CNTN4: variants seen among roughly 807,000 people sequenced by gnomAD.
CNTN4 encodes contactin-4.
CNTN4 carries 77 observed loss-of-function variants against 122.5 expected under a neutral mutation model. The observed-to-expected ratio is 0.63, with a 90% confidence interval of 0.52 to 0.76. CNTN4 has a LOEUF of 0.76. Ranked by LOEUF, CNTN4 falls within the 30% of genes least tolerant of loss-of-function variation. The pLI is 0.00. For missense variants in CNTN4, 1,256 were observed against 1,259.1 expected, an observed-to-expected ratio of 1.00 and a Z score of 0.04; for synonymous variants, 512 against 447.0, an observed-to-expected ratio of 1.15 and a Z score of -1.83.
intron 14 of CNTN4, among the ~76,000 whole-genome samples, chr3:3,008,074 T>C (rs766637297): frequency 6.6e-6 from 1 of 152,204 alleles, no homozygotes; most frequent in Non-Finnish European, 1.5e-5. Flanking sequence ...TAATCATTGC[T>C]TACTATTCAG....
chr3:2,184,389 G>T (rs2037154605), intron 2 of CNTN4, among the ~76,000 whole-genome samples: 1 of 152,132 alleles, frequency 6.6e-6, no homozygotes, highest in South Asian at 2.1e-4. Context: ...GAGCATGGGT[G>T]AGGGTGAGCT....
intron 14 of CNTN4, among the ~76,000 whole-genome samples, chr3:2,998,087 C>G (rs925576031): frequency 6.6e-6 from 1 of 152,106 alleles, no homozygotes; most frequent in African/African-American, 2.4e-5. Flanking sequence ...ATAAGCCTGG[C>G]CCACATCTCT....
chr3:2,735,973 G>T (rs367590722), intron 4 of CNTN4: 9 of 623,546 alleles, frequency 1.4e-5, no homozygotes, highest in Non-Finnish European at 2.7e-5. Context: ...CCTGCGCCTG[G>T]AAGTTGTTAG....
chr3:2,858,671 C>T (rs1023190856), intron 7 of CNTN4, among the ~76,000 whole-genome samples: 14 of 150,862 alleles, frequency 9.3e-5, no homozygotes, highest in African/African-American at 2.2e-4. Context: ...TGCACCCCGG[C>T]ACTCCAGCCT....
At chr3:2,695,040 T>C (rs1182080077) in intron 4 of CNTN4, among the ~76,000 whole-genome samples, 2 of 152,174 alleles carry the variant, frequency 1.3e-5, no homozygotes, top group Admixed American at 1.3e-4. Flanking sequence ...AATATCAATG[T>C]TATTTATGTA....
At chr3:2,328,274 CG>C (rs535802910) in intron 2 of CNTN4, among the ~76,000 whole-genome samples, 1,519 of 150,244 alleles carry the variant, frequency 0.01, 19 homozygotes, top group Non-Finnish European at 0.011. Flanking sequence ...GGCGTGGTGG[CG>C]GGCGCCTGTA....
chr3:2,887,146 G>A lies in CNTN4; in HGVS notation c.862G>A (p.Glu288Lys). 1 of 1,614,106 alleles carries A rather than the reference G, an allele frequency of 6.2e-7. No individual in the cohort carries two copies. The highest frequency in any genetic ancestry group is 8.5e-7 in the Non-Finnish European group (1 of 1,179,980). Residue 288 changes from glutamate (E) to lysine (K), a missense_variant, in exon 10 of 25, where the codon GAG (glutamate) becomes AAG (lysine). Coordinates refer to ENST00000418658, the MANE Select transcript of CNTN4 (RefSeq NM_175607.3). ...TCTTGAGATCCCTAATTTTCAGCAGGAGGATGCTGGTTTATATGAATGTGT... is the reference window on the plus strand; with the variant it reads ...TCTTGAGATCCCTAATTTTCAGCAGAAGGATGCTGGTTTATATGAATGTGT... The part of the protein sequence containing the change: ...GILEIPNFQQ[E>K]DAGLYECVAE...
In CNTN4 at chr3:2,451,158, CTAAG is replaced by C. The variant is rs2048815729; in HGVS notation, c.-89+111930_-89+111933del. Among the ~76,000 whole-genome samples the C allele has an allele frequency of 2.6e-5, 4 of 152,128 alleles. No individual in the cohort carries two copies. The East Asian group carries it at 7.7e-4, about 29-fold the overall frequency. On this transcript the variant is annotated intron_variant, in intron 3 of 24. Transcript: ENST00000418658. ...TTATGAGAATAGAGAAGAAATATTC[CTAAG>C]TAAGGAAGTAAGAGTGACCTTGAAA...
chr3:2,218,119 T>A (rs149951653), intron 2 of CNTN4, among the ~76,000 whole-genome samples: 26 of 152,256 alleles, frequency 1.7e-4, no homozygotes, highest in Non-Finnish European at 3.1e-4. Flanking sequence ...GAAGAATGTA[T>A]ACAGGCATGA....
chr3:2,529,675 G>A (rs1575866015), intron 3 of CNTN4, among the ~76,000 whole-genome samples: 1 of 149,268 alleles, frequency 6.7e-6, no homozygotes, highest in African/African-American at 2.5e-5. Context: ...TCACAGGTAG[G>A]TTGATCTTTG....
chr3:2,482,336 T>G (rs2076028867), intron 3 of CNTN4, among the ~76,000 whole-genome samples: 1 of 152,036 alleles, frequency 6.6e-6, no homozygotes, highest in Non-Finnish European at 1.5e-5. Context: ...AGAGCTGATT[T>G]AGGGTACCTG....
intron 3 of CNTN4, among the ~76,000 whole-genome samples, chr3:2,390,339 A>G (rs1317096621): frequency 6.6e-6 from 1 of 151,870 alleles, no homozygotes; most frequent in African/African-American, 2.4e-5. Flanking sequence ...TAATTATACT[A>G]TTATTGCAAC....
At chr3:2,296,492 A>C (rs960085290) in intron 2 of CNTN4, among the ~76,000 whole-genome samples, 1 of 152,160 alleles carries the variant, frequency 6.6e-6, no homozygotes, top group African/African-American at 2.4e-5. Context: ...GTTAGAAAAA[A>C]AGAGGATGTC....
intron 4 of CNTN4, among the ~76,000 whole-genome samples, chr3:2,572,472 T>C (rs1009628347): frequency 2.0e-5 from 3 of 152,220 alleles, no homozygotes; most frequent in East Asian, 1.9e-4. Context: ...AGTCTAGCAG[T>C]TGACATACAT....
At chr3:2,797,521 C>G (rs1320280180) in intron 6 of CNTN4, among the ~76,000 whole-genome samples, 1 of 152,142 alleles carries the variant, frequency 6.6e-6, no homozygotes, top group African/African-American at 2.4e-5. Flanking sequence ...TCACTTAAAC[C>G]TGGGAGGCGG....
chr3:2,209,566 C>A (rs1575086704), intron 2 of CNTN4, among the ~76,000 whole-genome samples: 1 of 152,212 alleles, frequency 6.6e-6, no homozygotes, highest in East Asian at 1.9e-4. Flanking sequence ...TCTCCTTCAA[C>A]CCTGTGCTGG....
At position 2,727,790 on chromosome 3, in the gene CNTN4, A is replaced by AT. The variant is rs560373239; in HGVS notation, c.56-8418dup. ...TGAGAAGAGTTCACTTCTCATTTGG[A>AT]TTTTTTTCACTTTGTGCCTTCAGAC... On this transcript the variant is annotated intron_variant, in intron 4 of 24. Transcript: ENST00000418658. 6.6e-3 allele frequency among the ~76,000 whole-genome samples: 999 copies of AT among 152,184 alleles called. 4 individuals carry two copies. The highest frequency in any genetic ancestry group is 0.023 in the African/African-American group (945 of 41,526).
chr3:2,939,516 G>A (rs1474161151), intron 13 of CNTN4, among the ~76,000 whole-genome samples: 1 of 152,096 alleles, frequency 6.6e-6, no homozygotes, highest in Non-Finnish European at 1.5e-5. Context: ...AAATTTAAAA[G>A]AAAACAAATA....
intron 2 of CNTN4, among the ~76,000 whole-genome samples, chr3:2,330,732 C>T (rs987616704): frequency 6.6e-6 from 1 of 152,070 alleles, no homozygotes; most frequent in Non-Finnish European, 1.5e-5. Flanking sequence ...TGCTGTATTT[C>T]TTCTTAGAGT....
Sources: allele counts gnomAD v4.1 joint callset (sites outside exome capture counted in the v4.1 genomes callset), GRCh38; gene constraint gnomAD v4.1.1; transcripts MANE v1.5; gene names NCBI Gene and HGNC (gene_info 2026-07-23, HGNC 2026-07-21).